Variants in CDH4 observed in about 807,000 individuals in gnomAD.
CDH4 encodes the protein cadherin-4.
Under a neutral mutation model 86.0 loss-of-function variants are expected in CDH4, and 33 were observed. That is an observed-to-expected ratio of 0.38 (90% CI 0.29 to 0.51). CDH4 has a LOEUF of 0.51. Ranked by LOEUF, CDH4 falls within the 20% of genes least tolerant of loss-of-function variation. The pLI, the probability that CDH4 is intolerant of heterozygous loss-of-function variation, is 0.86. For synonymous variants in CDH4, 555 were observed against 549.4 expected (o/e 1.01, Z -0.14); for missense variants, 1,114 against 1,307.4 (o/e 0.85, Z 2.28).
chr20:61,520,566 G>A (rs1306453428), intron 2 of CDH4, among the ~76,000 whole-genome samples: 2 of 152,230 alleles, frequency 1.3e-5, no homozygotes, highest in Admixed American at 6.5e-5. Context: ...CTCTGGCATT[G>A]CTGGTTGTCA....
rs1230944572 is a variant in CDH4 at position 61,570,271 on chromosome 20, C to T, written c.170-173292C>T. Reference sequence around the variant, plus strand: ...AGCTGTTTGTATGCACCTGTATGTACGTGCCTTACTTAAAATTCAGAAAGA... The same window carrying T: ...AGCTGTTTGTATGCACCTGTATGTATGTGCCTTACTTAAAATTCAGAAAGA... On this transcript the variant is annotated intron_variant, in intron 2 of 15. Coordinates refer to ENST00000614565, the MANE Select transcript of CDH4 (RefSeq NM_001794.5). 5.6e-5 allele frequency: 12 copies of T among 215,938 alleles called. No individual in the cohort carries two copies. The East Asian group carries it at 6.9e-4, about 12-fold the overall frequency. 13.4% of individuals were successfully genotyped at this position (215,938 alleles called of 1,614,324 possible). A position where few individuals can be genotyped will look rare whatever the true frequency, so the allele number is the denominator to read the frequency against.
At chr20:61,448,104 G>A (rs1308293008) in intron 2 of CDH4, among the ~76,000 whole-genome samples, 1 of 152,242 alleles carries the variant, frequency 6.6e-6, no homozygotes, top group Non-Finnish European at 1.5e-5. Context: ...GATCTTAAAA[G>A]TGGGTTGGCC....
chr20:61,337,750 A>G (rs921935402), intron 2 of CDH4, among the ~76,000 whole-genome samples: 6 of 151,834 alleles, frequency 4.0e-5, no homozygotes, highest in African/African-American at 1.5e-4. Flanking sequence ...TAAGATTTCT[A>G]TTTCTTTGAG....
At chr20:61,308,355 G>T (rs930990020) in intron 2 of CDH4, among the ~76,000 whole-genome samples, 3 of 152,218 alleles carry the variant, frequency 2.0e-5, no homozygotes, top group African/African-American at 4.8e-5. Context: ...CTGAGCAGTG[G>T]ACTTAGTTTC....
chr20:61,521,713 GA>G (rs1434007033), intron 2 of CDH4, among the ~76,000 whole-genome samples: 2 of 152,210 alleles, frequency 1.3e-5, no homozygotes, highest in African/African-American at 4.8e-5. Flanking sequence ...TTCATAATAA[GA>G]GGGGGGTGGG....
chr20:61,322,656 G>T (rs529812782), intron 2 of CDH4, among the ~76,000 whole-genome samples: 1 of 152,318 alleles, frequency 6.6e-6, no homozygotes, highest in East Asian at 1.9e-4. Flanking sequence ...TCCAGGCAAG[G>T]CTGTTTGCCA....
intron 2 of CDH4, among the ~76,000 whole-genome samples, chr20:61,261,162 G>A (rs2084125712): frequency 6.6e-6 from 1 of 152,190 alleles, no homozygotes; most frequent in Non-Finnish European, 1.5e-5. Flanking sequence ...GGCCACACCT[G>A]CCCCAGATTC....
At chr20:61,575,749 A>T (rs1469256316) in intron 2 of CDH4, among the ~76,000 whole-genome samples, 1 of 152,204 alleles carries the variant, frequency 6.6e-6, no homozygotes, top group Non-Finnish European at 1.5e-5. Flanking sequence ...AACCTGAGAG[A>T]TTTATTATCT....
chr20:61,363,387 G>A (rs2084794754), intron 2 of CDH4, among the ~76,000 whole-genome samples: 1 of 151,996 alleles, frequency 6.6e-6, no homozygotes, highest in African/African-American at 2.4e-5. Context: ...CCAGTCTTTT[G>A]AGAGGCATAA....
chr20:61,729,171 G>A (rs2088149033), intron 2 of CDH4, among the ~76,000 whole-genome samples: 1 of 152,214 alleles, frequency 6.6e-6, no homozygotes, highest in Non-Finnish European at 1.5e-5. Flanking sequence ...AGTCCTCGGT[G>A]CATGGCGCAT....
chr20:61,347,006 A>T (rs2084682955), intron 2 of CDH4, among the ~76,000 whole-genome samples: 2 of 152,174 alleles, frequency 1.3e-5, no homozygotes, highest in African/African-American at 4.8e-5. Context: ...GTCTAATAAC[A>T]TGGTTTCATG....
At chr20:61,903,079 C>T (rs965671930) in intron 8 of CDH4, among the ~76,000 whole-genome samples, 1 of 149,032 alleles carries the variant, frequency 6.7e-6, no homozygotes, top group South Asian at 2.2e-4. Flanking sequence ...AACTAAATAT[C>T]TTAGGAAACT....
At chr20:61,293,837 C>T (rs573093898) in intron 2 of CDH4, among the ~76,000 whole-genome samples, 12 of 152,334 alleles carry the variant, frequency 7.9e-5, no homozygotes, top group Admixed American at 1.3e-4. Context: ...CCTGGCCCCT[C>T]ACCAGGGTGG....
chr20:61,559,523 T>TTTTTC (rs2086201203), intron 2 of CDH4, among the ~76,000 whole-genome samples: 1 of 137,856 alleles, frequency 7.3e-6, no homozygotes, highest in Non-Finnish European at 1.6e-5. Context: ...TTTTTTCTTT[T>TTTTTC]TTTTTTTTTT....
chr20:61,363,932 A>G (rs2084797650), intron 2 of CDH4, among the ~76,000 whole-genome samples: 1 of 152,228 alleles, frequency 6.6e-6, no homozygotes, highest in South Asian at 2.1e-4. Flanking sequence ...GAGGTGTATT[A>G]AAGGCATTTT....
At chr20:61,748,835 G>A (rs1203898459) in intron 3 of CDH4, among the ~76,000 whole-genome samples, 1 of 151,800 alleles carries the variant, frequency 6.6e-6, no homozygotes, top group Non-Finnish European at 1.5e-5. Context: ...AAGTAGTAAC[G>A]TAATAAAAGG....
At chr20:61,491,629 G>GT (rs1158653021) in intron 2 of CDH4, among the ~76,000 whole-genome samples, 1 of 152,220 alleles carries the variant, frequency 6.6e-6, no homozygotes, top group African/African-American at 2.4e-5. Context: ...TCTCTCTGTT[G>GT]TTTTGGCCCC....
intron 2 of CDH4, among the ~76,000 whole-genome samples, chr20:61,303,049 A>G (rs1412162297): frequency 6.6e-6 from 1 of 152,178 alleles, no homozygotes; most frequent in African/African-American, 2.4e-5. Context: ...AGGGAAACCC[A>G]TATCAGACTT....
chr20:61,356,919 C>G (rs962139210), intron 2 of CDH4, among the ~76,000 whole-genome samples: 7 of 152,106 alleles, frequency 4.6e-5, no homozygotes, highest in African/African-American at 1.7e-4. Flanking sequence ...CTCTTTCTCT[C>G]GGCAGCTGTT....
Sources: gnomAD v4.1 joint callset for allele counts (sites outside exome capture counted in the v4.1 genomes callset) on GRCh38, gnomAD v4.1.1 for gene constraint, MANE v1.5 for transcripts, NCBI Gene and HGNC (gene_info 2026-07-23, HGNC 2026-07-21) for gene names.